SRPK1: variants seen among roughly 807,000 people sequenced by gnomAD.
SRPK1 encodes the protein SRSF protein kinase 1, also known as SFRS protein kinase 1.
Under a neutral mutation model 89.5 loss-of-function variants are expected in SRPK1, and 52 were observed. The ratio of observed to expected loss-of-function variants is 0.58; its 90% CI spans 0.46 to 0.73. The LOEUF (loss-of-function observed/expected upper bound fraction) is 0.73. Among genes scored for constraint, SRPK1 ranks in the 30% least tolerant of loss-of-function variants. SRPK1 has a pLI of 0.00. For synonymous variants in SRPK1, 255 were observed against 270.2 expected, an observed-to-expected ratio of 0.94 and a Z score of 0.55; for missense variants, 603 against 780.6, an observed-to-expected ratio of 0.77 and a Z score of 2.71.
chr6:35,863,431 T>C (rs2127239694), intron 12 of SRPK1, among the ~76,000 whole-genome samples: 1 of 148,432 alleles, frequency 6.7e-6, no homozygotes, highest in East Asian at 1.9e-4. Flanking sequence ...CATTTCTACC[T>C]GGGCAACAGA....
intron 2 of SRPK1, among the ~76,000 whole-genome samples, chr6:35,909,725 T>C (rs1440693103): frequency 6.6e-6 from 1 of 152,230 alleles, no homozygotes; most frequent in Non-Finnish European, 1.5e-5. Flanking sequence ...GTTCTCATGA[T>C]AGTTCTCACG....
intron 15 of SRPK1, among the ~76,000 whole-genome samples, chr6:35,836,160 T>C (rs1454040003): frequency 6.6e-6 from 1 of 152,204 alleles, no homozygotes; most frequent in Non-Finnish European, 1.5e-5. Flanking sequence ...GCTCAGTGGC[T>C]GCATTAGATT....
intron 6 of SRPK1, among the ~76,000 whole-genome samples, chr6:35,885,468 T>C (rs1236761706): frequency 6.6e-6 from 1 of 152,204 alleles, no homozygotes; most frequent in Non-Finnish European, 1.5e-5. Flanking sequence ...CAATAGTCTT[T>C]CCACATTATC....
intron 2 of SRPK1, among the ~76,000 whole-genome samples, chr6:35,892,105 T>A (rs1770529627): frequency 1.3e-5 from 2 of 152,236 alleles, no homozygotes; most frequent in South Asian, 4.1e-4. Flanking sequence ...TTGTACTAAG[T>A]TACATCCCCA....
chr6:35,860,336 G>C (rs115077676), intron 12 of SRPK1, among the ~76,000 whole-genome samples: 2,019 of 152,290 alleles, frequency 0.013, 42 homozygotes, highest in African/African-American at 0.047. Context: ...TTATCACAGG[G>C]TGTGAATGAA....
intron 2 of SRPK1, among the ~76,000 whole-genome samples, chr6:35,917,620 G>A (rs1158769236): frequency 1.3e-5 from 2 of 152,116 alleles, no homozygotes; most frequent in Non-Finnish European, 2.9e-5. Context: ...AGCTGGAAAG[G>A]GACCCTGAAT....
At chr6:35,841,615 C>T (rs1581988617) in intron 14 of SRPK1, among the ~76,000 whole-genome samples, 1 of 152,138 alleles carries the variant, frequency 6.6e-6, no homozygotes, top group African/African-American at 2.4e-5. Flanking sequence ...GGGTGGACCA[C>T]GAGGTCAAGA....
chr6:35,854,692 C>G (rs1769630327), intron 13 of SRPK1, among the ~76,000 whole-genome samples: 1 of 149,336 alleles, frequency 6.7e-6, no homozygotes, highest in African/African-American at 2.5e-5. Flanking sequence ...CTACTGCCCC[C>G]CAAACAAAAC....
At chr6:35,847,317 T>TGAGG (rs1769446153) in intron 13 of SRPK1, among the ~76,000 whole-genome samples, 2 of 152,178 alleles carry the variant, frequency 1.3e-5, no homozygotes, top group South Asian at 4.1e-4. Flanking sequence ...GTGATCCTCC[T>TGAGG]TCCTCAGCCT....
intron 12 of SRPK1, among the ~76,000 whole-genome samples, chr6:35,859,285 T>A (rs1769727085): frequency 6.6e-6 from 1 of 152,170 alleles, no homozygotes; most frequent in Non-Finnish European, 1.5e-5. Flanking sequence ...TAAAGGTAAA[T>A]ACTGTTAAGG....
chr6:35,848,786 A>G (rs1363996864), intron 13 of SRPK1, among the ~76,000 whole-genome samples: 1 of 152,210 alleles, frequency 6.6e-6, no homozygotes, highest in East Asian at 1.9e-4. Context: ...TGGTGTTGGA[A>G]AAACTGGATA....
intron 14 of SRPK1, among the ~76,000 whole-genome samples, chr6:35,841,604 T>C (rs979030360): frequency 1.3e-5 from 2 of 152,042 alleles, no homozygotes; most frequent in African/African-American, 4.8e-5. Context: ...GAGGCTGAAG[T>C]GGGTGGACCA....
At chr6:35,857,026 T>C in intron 13 of SRPK1, 3 of 429,864 alleles carry the variant, frequency 7.0e-6, no homozygotes, top group Non-Finnish European at 8.3e-6. Flanking sequence ...CCACTAACAA[T>C]CTGTAGTAAG....
At chr6:35,885,242 A>G (rs1770377769) in intron 6 of SRPK1, among the ~76,000 whole-genome samples, 2 of 146,840 alleles carry the variant, frequency 1.4e-5, no homozygotes, top group Admixed American at 1.4e-4. Flanking sequence ...TACTTGGTTT[A>G]GAATTCTTAA....
chr6:35,872,500 G>A, intron 8 of SRPK1, 63 bp downstream of exon 8: 3 of 1,431,982 alleles, frequency 2.1e-6, no homozygotes, highest in Non-Finnish European at 2.8e-6. Context: ...CCTGGTAACA[G>A]AATAAAAATA....
chr6:35,856,168 A>G (rs2151083953), intron 13 of SRPK1, among the ~76,000 whole-genome samples: 1 of 152,322 alleles, frequency 6.6e-6, no homozygotes, highest in Non-Finnish European at 1.5e-5. Flanking sequence ...CAATGATTCA[A>G]TCAATACCTA....
intron 2 of SRPK1, among the ~76,000 whole-genome samples, chr6:35,912,234 C>T (rs559085491): frequency 2.0e-5 from 3 of 152,024 alleles, no homozygotes; most frequent in Non-Finnish European, 4.4e-5. Flanking sequence ...GCCTGTAATC[C>T]TAGCTACTTG....
chr6:35,881,173 G>A (rs1770279723), intron 6 of SRPK1, among the ~76,000 whole-genome samples: 1 of 152,140 alleles, frequency 6.6e-6, no homozygotes, highest in African/African-American at 2.4e-5. Flanking sequence ...TACCAGATGT[G>A]CCCTGGAAAT....
chr6:35,882,914 T>C (rs957126384), intron 6 of SRPK1, among the ~76,000 whole-genome samples: 1 of 151,852 alleles, frequency 6.6e-6, no homozygotes, highest in Non-Finnish European at 1.5e-5. Flanking sequence ...GTTCAAACCA[T>C]TCTCCTACCT....
Sources: gnomAD v4.1 joint callset for allele counts (sites outside exome capture counted in the v4.1 genomes callset) on GRCh38, gnomAD v4.1.1 for gene constraint, MANE v1.5 for transcripts, NCBI Gene and HGNC (gene_info 2026-07-23, HGNC 2026-07-21) for gene names.